NODAL: variants seen among roughly 807,000 people sequenced by gnomAD.
NODAL encodes the protein nodal homolog.
Under a neutral mutation model 34.0 loss-of-function variants are expected in NODAL, and 12 were observed. That is an observed-to-expected ratio of 0.35 (90% CI 0.23 to 0.57). The LOEUF is 0.57. Among genes scored for constraint, NODAL ranks in the 20% least tolerant of loss-of-function variants. The pLI is 0.83. For missense variants in NODAL, 390 were observed against 444.2 expected (o/e 0.88, Z 1.10); for synonymous variants, 162 against 186.4 (o/e 0.87, Z 1.07).
intron 1 of NODAL, 40 bp downstream of exon 1, chr10:70,441,435 C>A (rs1448477792): frequency 1.3e-6 from 2 of 1,542,440 alleles, no homozygotes; most frequent in African/African-American, 1.4e-5. Flanking sequence ...GGAGGCGCCC[C>A]GGGGGTGCCC....
chr10:70,441,615 T>C lies in NODAL; in HGVS notation c.53A>G (p.Gln18Arg), dbSNP rs1441391199. ...AGTGGCCACCGTCGCAGCACCCGCC[T>C]GGAGTAGGGCCCACCAGGCGTGCAG... Reference protein sequence around the residue: ...FLLHAWWALLQAGAATVATAL... With the variant: ...FLLHAWWALLRAGAATVATAL... The change falls in exon 1 of 3, where the codon CAG becomes CGG. Residue 18 changes from glutamine (Q) to arginine (R), a missense_variant. By Grantham distance (43) the Gln-to-Arg change is conservative (BLOSUM62 1). Coordinates refer to ENST00000287139, the MANE Select transcript of NODAL (RefSeq NM_018055.5). 6.4e-7 allele frequency: 1 copy of C among 1,553,370 alleles called. No individual in the cohort carries two copies. Among genetic ancestry groups the C allele is most frequent in the Admixed American group, 2.0e-5 (1 of 51,244 alleles).
chr10:70,438,623 G>C (rs772722745), intron 1 of NODAL, among the ~76,000 whole-genome samples: 23 of 152,170 alleles, frequency 1.5e-4, no homozygotes, highest in Non-Finnish European at 3.1e-4. Context: ...GAAGGTGTCC[G>C]GACAGGCCAC....
At chr10:70,444,153 A>G (rs10823543), upstream of NODAL, among the ~76,000 whole-genome samples, 146,759 of 152,024 alleles carry the variant, frequency 0.97, 71,015 homozygotes, top group Non-Finnish European at 1. Flanking sequence ...GGCTGGTCTT[A>G]AACACCTGAC....
intron 2 of NODAL, among the ~76,000 whole-genome samples, chr10:70,434,399 G>A (rs1032621127): frequency 2.0e-5 from 3 of 152,176 alleles, no homozygotes; most frequent in South Asian, 2.1e-4. Context: ...TTTCGCTCCT[G>A]TTGCCCAGGC....
chr10:70,444,662 C>T (rs979071905), upstream of NODAL, among the ~76,000 whole-genome samples: 3 of 152,214 alleles, frequency 2.0e-5, no homozygotes, highest in Admixed American at 1.3e-4. Flanking sequence ...TTGGGACCCA[C>T]ATGGGCTAGG....
chr10:70,433,089 C>A lies in NODAL; in HGVS notation c.892-1G>T. Reference sequence around the variant, plus strand: ...GGGGCTGGTAACGTTTCAGCAGACTCTGTAAAGGAAAGGAAGGGTGTGTCA... The same window carrying A: ...GGGGCTGGTAACGTTTCAGCAGACTATGTAAAGGAAAGGAAGGGTGTGTCA... On this transcript the variant is annotated splice_acceptor_variant, in intron 2 of 2. Coordinates refer to ENST00000287139, the MANE Select transcript of NODAL (RefSeq NM_018055.5). LOFTEE classifies it high-confidence loss of function. The A allele has an allele frequency of 6.2e-7, 1 of 1,613,904 alleles. No homozygotes were observed. The highest frequency in any genetic ancestry group is 1.1e-5 in the South Asian group (1 of 91,068).
At chr10:70,433,504 T>G (rs1008287741) in intron 2 of NODAL, among the ~76,000 whole-genome samples, 6 of 152,028 alleles carry the variant, frequency 3.9e-5, no homozygotes, top group African/African-American at 7.2e-5. Context: ...ATCCTCAACC[T>G]CCTGGGCTCA....
intron 1 of NODAL, among the ~76,000 whole-genome samples, chr10:70,440,497 G>A (rs1184039747): frequency 6.6e-6 from 1 of 152,158 alleles, no homozygotes; most frequent in African/African-American, 2.4e-5. Context: ...GCGGCAGGTC[G>A]GATCAGATTA....
chr10:70,437,360 G>A (rs1206921894), intron 1 of NODAL, among the ~76,000 whole-genome samples: 1 of 152,214 alleles, frequency 6.6e-6, no homozygotes, highest in East Asian at 1.9e-4. Flanking sequence ...AGAATTGCTT[G>A]AACCCAGGAG....
At chr10:70,437,904 A>C (rs1471030019) in intron 1 of NODAL, among the ~76,000 whole-genome samples, 1 of 152,146 alleles carries the variant, frequency 6.6e-6, no homozygotes, top group Non-Finnish European at 1.5e-5. Context: ...CCTGACTAGC[A>C]GCTTTCCCCA....
chr10:70,443,972 G>A (rs1397433420), upstream of NODAL, among the ~76,000 whole-genome samples: 5 of 135,220 alleles, frequency 3.7e-5, no homozygotes, highest in Admixed American at 3.2e-4. Flanking sequence ...TGCTCTTGTC[G>A]CCCAGGCTAG....
upstream of NODAL, among the ~76,000 whole-genome samples, chr10:70,445,536 G>A (rs561327491): frequency 2.6e-5 from 4 of 152,356 alleles, no homozygotes; most frequent in East Asian, 7.7e-4. Context: ...GGGATTACAG[G>A]CATGAGCCAC....
intron 1 of NODAL, among the ~76,000 whole-genome samples, chr10:70,437,161 T>C (rs1845367139): frequency 6.6e-6 from 1 of 152,160 alleles, no homozygotes; most frequent in Non-Finnish European, 1.5e-5. Context: ...TTAATAGTGA[T>C]GCCGGGCGCG....
upstream of NODAL, among the ~76,000 whole-genome samples, chr10:70,443,428 C>T (rs1432789563): frequency 1.3e-5 from 2 of 152,194 alleles, no homozygotes; most frequent in Non-Finnish European, 2.9e-5. Flanking sequence ...GTGGTTCATG[C>T]CTGTAATCCC....
chr10:70,440,485 A>G (rs1845413580), intron 1 of NODAL, among the ~76,000 whole-genome samples: 1 of 152,124 alleles, frequency 6.6e-6, no homozygotes, highest in African/African-American at 2.4e-5. Flanking sequence ...AGGGGCGGGC[A>G]GGCGGCAGGT....
intron 1 of NODAL, among the ~76,000 whole-genome samples, chr10:70,439,225 G>C (rs1045444197): frequency 1.3e-5 from 2 of 152,146 alleles, no homozygotes; most frequent in African/African-American, 2.4e-5. Flanking sequence ...GGACGGTCTT[G>C]ATCTCTTGAC....
chr10:70,436,039 C>CA, intron 1 of NODAL, 56 bp from the exon 2 acceptor site: 1 of 1,441,158 alleles, frequency 6.9e-7, no homozygotes, highest in Non-Finnish European at 9.8e-7. Flanking sequence ...CCCCCAGCCT[C>CA]AGTCAGTGTC....
upstream of NODAL, among the ~76,000 whole-genome samples, chr10:70,446,445 C>T (rs1044341896): frequency 6.6e-6 from 1 of 152,076 alleles, no homozygotes; most frequent in Non-Finnish European, 1.5e-5. Context: ...GCTTGCTCAG[C>T]TGTAAAATGG....
upstream of NODAL, among the ~76,000 whole-genome samples, chr10:70,446,155 G>A (rs1341373056): frequency 6.6e-6 from 1 of 152,130 alleles, no homozygotes; most frequent in African/African-American, 2.4e-5. Context: ...ACACCTTCTC[G>A]TTTCCTCTGC....
Sources: allele counts gnomAD v4.1 joint callset (sites outside exome capture counted in the v4.1 genomes callset), GRCh38; gene constraint gnomAD v4.1.1; transcripts MANE v1.5; gene names NCBI Gene and HGNC (gene_info 2026-07-23, HGNC 2026-07-21).